RBFOX1: variants seen among roughly 807,000 people sequenced by gnomAD.
The protein encoded by RBFOX1 is RNA binding protein fox-1 homolog 1.
A neutral mutation model predicts 57.7 loss-of-function variants in RBFOX1; 8 were observed. That is an observed-to-expected ratio of 0.14 (90% CI 0.08 to 0.25). The LOEUF (loss-of-function observed/expected upper bound fraction) is 0.25, where lower values mean the gene tolerates loss of function less well. Ranked by LOEUF, RBFOX1 falls within the 10% of genes least tolerant of loss-of-function variation. The probability of loss-of-function intolerance (pLI) is 1.00; values close to 1 mark genes in which losing one functional copy is unlikely to be tolerated. For missense variants in RBFOX1, 611 were observed against 548.5 expected, an observed-to-expected ratio of 1.11 and a Z score of -1.14; for synonymous variants, 326 against 222.4, an observed-to-expected ratio of 1.47 and a Z score of -4.15.
rs182684489 is a variant in RBFOX1 at position 7,170,264 on chromosome 16, C to T, written c.27+118166C>T. Among the ~76,000 whole-genome samples, 140 of 152,198 alleles carry T rather than the reference C, an allele frequency of 9.2e-4. 1 individual carries two copies. The Middle Eastern group carries it at 0.014, about 15-fold the overall frequency. On this transcript the variant is annotated intron_variant, in intron 4 of 15. Transcript: ENST00000550418. ...AACAATTTATCCTCCTGCTCCTCAC[C>T]ACTGTTAATTGAGCACTCTGTTTTT...
chr16:6,112,838 ATT>A (rs2096461023), intron 1 of RBFOX1, among the ~76,000 whole-genome samples: 3 of 152,156 alleles, frequency 2.0e-5, no homozygotes, highest in African/African-American at 7.2e-5. Context: ...TCAGAGTAGG[ATT>A]GACTGGTTTG....
At chr16:7,069,881 G>C (rs77091829) in intron 4 of RBFOX1, among the ~76,000 whole-genome samples, 1 of 152,090 alleles carries the variant, frequency 6.6e-6, no homozygotes, top group African/African-American at 2.4e-5. Flanking sequence ...TAGAATTTGC[G>C]CTTGAATTTT....
In RBFOX1 at chr16:6,134,301, G is replaced by A. The variant is rs570717472; in HGVS notation, c.-127+114309G>A. On this transcript the variant is annotated intron_variant, in intron 1 of 15. Coordinates refer to ENST00000550418, the MANE Select transcript of RBFOX1 (RefSeq NM_018723.4). Reference sequence around the variant, plus strand: ...GCAGATATTGTGGTTGCAGTTTTACGTATATTTTTACGGTTATTGGATTCA... The same window carrying A: ...GCAGATATTGTGGTTGCAGTTTTACATATATTTTTACGGTTATTGGATTCA... 7.2e-5 allele frequency among the ~76,000 whole-genome samples: 11 copies of A among 152,208 alleles called. No homozygotes were observed. The South Asian group carries it at 1.5e-3, about 20-fold the overall frequency.
At chr16:7,058,587 T>C (rs1395230696) in intron 4 of RBFOX1, among the ~76,000 whole-genome samples, 1 of 152,146 alleles carries the variant, frequency 6.6e-6, no homozygotes, top group East Asian at 1.9e-4. Context: ...TGTGTGTGTG[T>C]GTGCATGCGC....
At chr16:7,482,491 G>A (rs78713294) in intron 4 of RBFOX1, among the ~76,000 whole-genome samples, 1 of 73,858 alleles carries the variant, frequency 1.4e-5, no homozygotes, top group Non-Finnish European at 2.5e-5. Flanking sequence ...TGTTGTTGTT[G>A]TTGTTTCTTA....
intron 2 of RBFOX1, among the ~76,000 whole-genome samples, chr16:6,407,391 GTATA>G (rs2093319187): frequency 6.6e-6 from 1 of 151,588 alleles, no homozygotes; most frequent in Non-Finnish European, 1.5e-5. Flanking sequence ...ATACCTATAT[GTATA>G]TATTTGTCTT....
chr16:6,909,927 T>C (rs2071124139), intron 3 of RBFOX1, among the ~76,000 whole-genome samples: 1 of 152,096 alleles, frequency 6.6e-6, no homozygotes, highest in South Asian at 2.1e-4. Context: ...TTGCTTTTTT[T>C]TGCTTAGCAA....
rs536161323 is a variant in RBFOX1, at chr16:5,716,549, A to G, written c.318+117588A>G. 2.0e-5 allele frequency among the ~76,000 whole-genome samples: 3 copies of G among 152,356 alleles called. No individual in the cohort carries two copies. The South Asian group carries it at 6.2e-4, about 32-fold the overall frequency. On this transcript the variant is annotated intron_variant, in intron 3 of 19. Coordinates refer to the RBFOX1 transcript ENST00000641259. ...CAGAGTGGTTATTATTAATAAGTCA[A>G]ACAATAACAGATGTGGGCGAGGTTT...
At chr16:7,115,274 GGA>G (rs1224547404) in intron 4 of RBFOX1, among the ~76,000 whole-genome samples, 1 of 152,070 alleles carries the variant, frequency 6.6e-6, no homozygotes, top group African/African-American at 2.4e-5. Flanking sequence ...GGTCACTCAT[GGA>G]AAAATGTATT....
intron 3 of RBFOX1, among the ~76,000 whole-genome samples, chr16:6,884,544 C>T (rs1315275947): frequency 6.6e-6 from 1 of 152,120 alleles, no homozygotes; most frequent in Non-Finnish European, 1.5e-5. Flanking sequence ...TCATCTGTTA[C>T]ATTATCATAA....
intron 3 of RBFOX1, among the ~76,000 whole-genome samples, chr16:6,690,384 A>T (rs142302378): frequency 2.0e-3 from 301 of 152,282 alleles, no homozygotes; most frequent in African/African-American, 6.9e-3. Flanking sequence ...ATTCGTGACA[A>T]AAATTCATAT....
chr16:7,321,743 A>G (rs535410857), intron 4 of RBFOX1, among the ~76,000 whole-genome samples: 208 of 152,376 alleles, frequency 1.4e-3, no homozygotes, highest in African/African-American at 4.6e-3. Flanking sequence ...ATTGTCATGT[A>G]AGAGCCAGAA....
rs558607922 is a variant in RBFOX1 at position 6,770,343 on chromosome 16, G to A, written c.-16+115693G>A. ...CAAATAATGTATTTAATGCAACAGG[G>A]CAGGGGTTGGAAAACTGCAGCCTGT... On this transcript the variant is annotated intron_variant, in intron 3 of 15. Coordinates refer to ENST00000550418, the MANE Select transcript of RBFOX1 (RefSeq NM_018723.4). Among the ~76,000 whole-genome samples the A allele has an allele frequency of 4.1e-4, 63 of 152,228 alleles. 2 individuals are homozygous for A. In the South Asian group the frequency reaches 0.012, roughly 30 times the overall value.
chr16:6,325,060 A>G (rs1044287244), intron 2 of RBFOX1, among the ~76,000 whole-genome samples: 2 of 152,208 alleles, frequency 1.3e-5, no homozygotes, highest in African/African-American at 4.8e-5. Context: ...GTAGTAACGA[A>G]TTACAGGAAA....
chr16:6,256,211 G>A (rs370323029), intron 1 of RBFOX1, among the ~76,000 whole-genome samples: 1,465 of 10,988 alleles, frequency 0.13, 30 homozygotes, highest in Non-Finnish European at 0.23. Flanking sequence ...ATGTATATGT[G>A]TATATATATG....
chr16:6,561,747 A>C (rs1426598673), intron 2 of RBFOX1, among the ~76,000 whole-genome samples: 1 of 152,176 alleles, frequency 6.6e-6, no homozygotes, highest in Non-Finnish European at 1.5e-5. Flanking sequence ...TAATTTAATT[A>C]TTGGTAACAT....
chr16:5,409,252 G>C (rs1020497802), intron 1 of RBFOX1, among the ~76,000 whole-genome samples: 1 of 152,208 alleles, frequency 6.6e-6, no homozygotes, highest in Admixed American at 6.5e-5. Context: ...GTGTGTGGCT[G>C]CGATGGACAG....
intron 4 of RBFOX1, among the ~76,000 whole-genome samples, chr16:6,009,182 A>T (rs1427399750): frequency 6.6e-6 from 1 of 151,376 alleles, no homozygotes; most frequent in Non-Finnish European, 1.5e-5. Flanking sequence ...TTCAACAGTG[A>T]TTCCAGGTCC....
At chr16:5,622,824 A>G (rs543571065) in intron 3 of RBFOX1, among the ~76,000 whole-genome samples, 1 of 152,228 alleles carries the variant, frequency 6.6e-6, no homozygotes, top group Admixed American at 6.5e-5. Flanking sequence ...CCTCGATTCA[A>G]AAATATCCTT....
Sources: allele counts gnomAD v4.1 joint callset (sites outside exome capture counted in the v4.1 genomes callset), GRCh38; gene constraint gnomAD v4.1.1; transcripts MANE v1.5; gene names NCBI Gene and HGNC (gene_info 2026-07-23, HGNC 2026-07-21).